EMX1: variants seen among roughly 807,000 people sequenced by gnomAD.
The protein encoded by EMX1 is empty spiracles homeobox 1.
A neutral mutation model predicts 20.1 loss-of-function variants in EMX1; 10 were observed. The ratio of observed to expected loss-of-function variants is 0.50; its 90% CI spans 0.31 to 0.84. The LOEUF is 0.84. Among genes scored for constraint, EMX1 ranks in the 40% least tolerant of loss-of-function variants. The pLI, the probability that EMX1 is intolerant of heterozygous loss-of-function variation, is 0.05. For missense variants in EMX1, 424 were observed against 431.9 expected (o/e 0.98, Z 0.16); for synonymous variants, 250 against 200.4 (o/e 1.25, Z -2.09).
At chr2:72,917,233 G>A (rs1312134399), upstream of EMX1, among the ~76,000 whole-genome samples, 5 of 152,246 alleles carry the variant, frequency 3.3e-5, no homozygotes, top group Non-Finnish European at 7.3e-5. Flanking sequence ...CCGGGGAGGG[G>A]AGGGTTGGAG....
Position 72,918,170 on chromosome 2 carries a change from C to T in EMX1, c.318C>T (p.Gly106=), listed in dbSNP as rs780723202. ...GCTTCCCTGCCGCGGCCGCCGCGGG[C>T]GCGGGCCGCTCGCTCTACGGTGGGC... ...VSGFPAAAAA[G]AGRSLYGGPE... is the part of the protein sequence containing the mutation. The change falls in exon 1 of 3, where the codon GGC becomes GGT. Residue 106 remains glycine (G), a synonymous_variant. Coordinates refer to ENST00000258106, the MANE Select transcript of EMX1 (RefSeq NM_004097.3). 3.3e-6 allele frequency: 5 copies of T among 1,513,414 alleles called. No individual in the cohort carries two copies. In the East Asian group the frequency reaches 1.1e-4, roughly 33 times the overall value. The allele number at this position is 1,513,414 out of a possible 1,614,324, so 93.7% of individuals were successfully genotyped here. A position where few individuals can be genotyped will look rare whatever the true frequency, so the allele number is the denominator to read the frequency against.
chr2:72,918,150 C>T lies in EMX1; in HGVS notation c.298C>T (p.Pro100Ser). 1 of 1,499,682 alleles carries T rather than the reference C, an allele frequency of 6.7e-7. No homozygotes were observed. The highest frequency in any genetic ancestry group is 8.8e-7 in the Non-Finnish European group (1 of 1,137,884). 92.9% of individuals were successfully genotyped at this position (1,499,682 alleles called of 1,614,324 possible). ...AAEAAFVSGFPAAAAAGAGRS... is the reference protein window; with the variant it reads ...AAEAAFVSGFSAAAAAGAGRS... The stretch of plus-strand genomic sequence containing the variant: ...CGAGGCGGCCTTCGTGAGTGGCTTC[C>T]CTGCCGCGGCCGCCGCGGGCGCGGG... The change falls in exon 1 of 3, where the codon CCT becomes TCT. Residue 100 changes from proline (P) to serine (S), a missense_variant. Coordinates refer to ENST00000258106, the MANE Select transcript of EMX1 (RefSeq NM_004097.3).
rs70963149 is a variant in EMX1, at chr2:72,919,180, T to TACACACACAC, written c.520+837_520+846dup. ...GCTAATAAAGATCCTCCACTGGCCCTACACACACACACACACACACACACA... is the reference window on the plus strand; with the variant it reads ...GCTAATAAAGATCCTCCACTGGCCCTACACACACACACACACACACACACACACACACACA... On this transcript the variant is annotated intron_variant, in intron 1 of 2. Coordinates refer to ENST00000258106, the MANE Select transcript of EMX1 (RefSeq NM_004097.3). 5.2e-3 allele frequency among the ~76,000 whole-genome samples: 745 copies of TACACACACAC among 142,592 alleles called. 7 individuals are homozygous for TACACACACAC. The highest frequency in any genetic ancestry group is 0.012 in the African/African-American group (459 of 38,652). 93.5% of individuals were successfully genotyped at this position (142,592 alleles called of 152,430 possible). A position where few individuals can be genotyped will look rare whatever the true frequency, so the allele number is the denominator to read the frequency against.
upstream of EMX1, chr2:72,916,942 C>G: frequency 1.4e-6 from 1 of 717,364 alleles, no homozygotes. Context: ...AGTGCCCCGC[C>G]TGGCCCCTTG....
In EMX1 at chr2:72,918,249, G is replaced by C. The variant is rs772375150; in HGVS notation, c.397G>C (p.Ala133Pro). The C allele has an allele frequency of 8.2e-6, 13 of 1,579,434 alleles. No individual in the cohort carries two copies. The highest frequency in any genetic ancestry group is 1.1e-5 in the South Asian group (1 of 88,828). ...MNHPALTVHP[A>P]HQLGASPLQP... ...CCACCCCGCGCTGACCGTGCATCCG[G>C]CGCACCAGCTGGGCGCCTCCCCGCT... The change falls in exon 1 of 3, where the codon GCG (alanine) becomes CCG (proline). Residue 133 changes from alanine to proline, a missense_variant. By Grantham distance (27) the Ala-to-Pro change is conservative. This residue lies in a region of EMX1 where 333 missense variants were observed against 296.6 expected (regional missense o/e 1.12). Coordinates refer to ENST00000258106, the MANE Select transcript of EMX1 (RefSeq NM_004097.3).
upstream of EMX1, chr2:72,916,689 C>T (rs1419993155): frequency 2.8e-6 from 2 of 716,822 alleles, no homozygotes; most frequent in Non-Finnish European, 5.2e-6. Flanking sequence ...TTGAGATGGG[C>T]TCGGGCTACT....
upstream of EMX1, chr2:72,916,295 C>A: frequency 4.5e-6 from 1 of 224,162 alleles, no homozygotes; most frequent in Non-Finnish European, 8.9e-6. Flanking sequence ...GGCCTTGGGG[C>A]GTCAGGAGGC....
upstream of EMX1, chr2:72,917,200 GGA>G (rs1338045953): frequency 1.7e-6 from 1 of 604,054 alleles, no homozygotes; most frequent in Non-Finnish European, 3.0e-6. Context: ...GGGACGAATG[GGA>G]GAGTTAGGCT....
intron 2 of EMX1, chr2:72,925,609 C>A: frequency 7.9e-7 from 1 of 1,262,062 alleles, no homozygotes; most frequent in South Asian, 1.3e-5. Context: ...TCCTCCTAGT[C>A]TCGACCCTAC....
In EMX1 at chr2:72,918,269, C is replaced by T. The variant is rs1205969600; in HGVS notation, c.417C>T (p.Ser139=). 1.3e-6 allele frequency: 2 copies of T among 1,577,082 alleles called. No homozygotes were observed. Among genetic ancestry groups the T allele is most frequent in the Non-Finnish European group, 1.7e-6 (2 of 1,172,188 alleles). ...ATCCGGCGCACCAGCTGGGCGCCTCCCCGCTGCAGCCCCCGCACTCCTTCT... is the reference window on the plus strand; with the variant it reads ...ATCCGGCGCACCAGCTGGGCGCCTCTCCGCTGCAGCCCCCGCACTCCTTCT... ...TVHPAHQLGA[S]PLQPPHSFFG... Residue 139 remains serine (S), a synonymous_variant, in exon 1 of 3, where the codon TCC becomes TCT. Coordinates refer to ENST00000258106, the MANE Select transcript of EMX1 (RefSeq NM_004097.3).
At chr2:72,923,337 A>G (rs948736475) in intron 1 of EMX1, 3 of 152,238 alleles carry the variant, frequency 2.0e-5, no homozygotes, top group African/African-American at 4.8e-5. Flanking sequence ...GCAGAAACCA[A>G]TATATCTATA....
At chr2:72,927,404 T>C (rs1439366783) in intron 2 of EMX1, among the ~76,000 whole-genome samples, 1 of 152,250 alleles carries the variant, frequency 6.6e-6, no homozygotes, top group Non-Finnish European at 1.5e-5. Context: ...TTTTTTCTAG[T>C]GCTGAGTTTC....
chr2:72,917,816 GGCGGGCGGGGGAGGTGAGGGGT>G lies in EMX1; in HGVS notation c.-27_-6del, dbSNP rs1340204766. The G allele has an allele frequency of 8.6e-6, 11 of 1,280,788 alleles. No homozygotes were observed. The highest frequency in any genetic ancestry group is 1.6e-5 in the African/African-American group (1 of 64,088). The allele number at this position is 1,280,788 out of a possible 1,614,324, so 79.3% of individuals were successfully genotyped here. On this transcript the variant is annotated 5_prime_UTR_variant, in exon 1 of 3. Transcript: ENST00000258106. ...CGCCCGCGGGGGCCGAGCGCGAGCG[GGCGGGCGGGGGAGGTGAGGGGT>G]GCGGGCGGGTGTGCATGTGCCTGGC... is the stretch of plus-strand genomic sequence containing the variant.
rs1427627919 is a variant in EMX1, at chr2:72,930,539, G to A, written c.706-3248G>A. Among the ~76,000 whole-genome samples the A allele has an allele frequency of 6.6e-6, 1 of 152,196 alleles. No homozygotes were observed. The highest frequency in any genetic ancestry group is 2.4e-5 in the African/African-American group (1 of 41,440). On this transcript the variant is annotated intron_variant, in intron 2 of 2. Transcript: ENST00000258106. This position sits in a 1 kb window ranked among gnomAD's most constrained non-coding sequence, Gnocchi z 4.4. ...CTTGCTACAGCAGAGAGGTCAGAGT[G>A]GGCAAGGGGTCCTCCAGCTAACATT...
At chr2:72,922,496 G>A (rs908862146) in intron 1 of EMX1, among the ~76,000 whole-genome samples, 2 of 152,232 alleles carry the variant, frequency 1.3e-5, no homozygotes, top group African/African-American at 4.8e-5. Flanking sequence ...CAAATGGGGT[G>A]TCCCTCACCC....
chr2:72,918,961 G>A (rs1018908765), intron 1 of EMX1, among the ~76,000 whole-genome samples: 1 of 152,254 alleles, frequency 6.6e-6, no homozygotes, highest in East Asian at 1.9e-4. Flanking sequence ...CAAGTCACAC[G>A]TGCCTCTCCT....
upstream of EMX1, chr2:72,916,539 A>T (rs1670964978): frequency 1.6e-6 from 1 of 608,608 alleles, no homozygotes; most frequent in Non-Finnish European, 2.9e-6. Flanking sequence ...CTGTCGTGAG[A>T]ACTGCCCCCG....
At chr2:72,932,166 A>G (rs1263411216) in intron 2 of EMX1, among the ~76,000 whole-genome samples, 2 of 152,186 alleles carry the variant, frequency 1.3e-5, no homozygotes, top group African/African-American at 4.8e-5. Context: ...GCCAAAACCA[A>G]GAGGCTACCC....
intron 1 of EMX1, among the ~76,000 whole-genome samples, chr2:72,921,332 C>T (rs1484285624): frequency 3.9e-5 from 6 of 152,164 alleles, no homozygotes; most frequent in African/African-American, 9.7e-5. Flanking sequence ...TGTCCTAGTC[C>T]GAAACTGACA....
Sources: gnomAD v4.1 joint callset for allele counts (sites outside exome capture counted in the v4.1 genomes callset) on GRCh38, gnomAD v4.1.1 for gene constraint, gnomAD v4.1.1 regional missense constraint, Gnocchi (gnomAD v3.1) non-coding constraint, MANE v1.5 for transcripts, NCBI Gene and HGNC (gene_info 2026-07-23, HGNC 2026-07-21) for gene names.